GRM7: variants seen among roughly 807,000 people sequenced by gnomAD.
GRM7 encodes the protein metabotropic glutamate receptor 7.
GRM7 carries 35 observed loss-of-function variants against 84.5 expected under a neutral mutation model. That is an observed-to-expected ratio of 0.41 (90% CI 0.32 to 0.55). The LOEUF (loss-of-function observed/expected upper bound fraction) is 0.55, where lower values mean the gene tolerates loss of function less well. Among genes scored for constraint, GRM7 ranks in the 20% least tolerant of loss-of-function variants. GRM7 has a pLI of 0.19. For synonymous variants in GRM7, 487 were observed against 455.1 expected, an observed-to-expected ratio of 1.07 and a Z score of -0.89; for missense variants, 1,003 against 1,194.6, an observed-to-expected ratio of 0.84 and a Z score of 2.36.
chr3:7,250,611 C>T (rs1426244047), intron 2 of GRM7, among the ~76,000 whole-genome samples: 1 of 152,126 alleles, frequency 6.6e-6, no homozygotes, highest in Non-Finnish European at 1.5e-5. Context: ...GTAACCGCCA[C>T]CTCCTGGGTT....
intron 8 of GRM7, among the ~76,000 whole-genome samples, chr3:7,632,620 G>C (rs73810822): frequency 5.1e-4 from 78 of 152,308 alleles, no homozygotes; most frequent in Middle Eastern, 6.8e-3. Flanking sequence ...TGAAGACTGA[G>C]ATAATTGAGT....
chr3:7,242,878 T>C (rs1697613231), intron 2 of GRM7, among the ~76,000 whole-genome samples: 1 of 152,156 alleles, frequency 6.6e-6, no homozygotes, highest in Admixed American at 6.6e-5. Flanking sequence ...AGTATGGTTT[T>C]GAACTTTGTT....
chr3:7,100,767 C>A (rs996902985), intron 1 of GRM7, among the ~76,000 whole-genome samples: 1 of 151,774 alleles, frequency 6.6e-6, no homozygotes, highest in Non-Finnish European at 1.5e-5. Flanking sequence ...ACACAAAAAA[C>A]CTTTCCTGTG....
chr3:7,214,114 C>CAAAAAAAAAAA (rs34038958), intron 2 of GRM7, among the ~76,000 whole-genome samples: 2 of 126,600 alleles, frequency 1.6e-5, no homozygotes, highest in South Asian at 2.6e-4. Context: ...ACTAATCAGC[C>CAAAAAAAAAAA]AAAAAAAAAA....
intron 9 of GRM7, among the ~76,000 whole-genome samples, chr3:7,708,001 A>G (rs1701447151): frequency 1.4e-5 from 2 of 146,684 alleles, no homozygotes; most frequent in Non-Finnish European, 3.0e-5. Flanking sequence ...TTCCAAACTC[A>G]GAGACTGAAT....
chr3:7,276,881 T>C (rs1330684697), intron 2 of GRM7, among the ~76,000 whole-genome samples: 1 of 149,522 alleles, frequency 6.7e-6, no homozygotes, highest in Non-Finnish European at 1.5e-5. Flanking sequence ...ACATATTAGT[T>C]GTTACTACTA....
intron 4 of GRM7, among the ~76,000 whole-genome samples, chr3:7,328,565 A>G (rs1459267756): frequency 6.6e-6 from 1 of 152,106 alleles, no homozygotes; most frequent in East Asian, 1.9e-4. Flanking sequence ...CACTAAGTCA[A>G]CCTGGCAAGG....
At chr3:7,609,603 G>A (rs1006424311) in intron 8 of GRM7, among the ~76,000 whole-genome samples, 9 of 151,898 alleles carry the variant, frequency 5.9e-5, no homozygotes, top group African/African-American at 1.9e-4. Flanking sequence ...TTAGAAGCTG[G>A]TGGAGAAACT....
intron 9 of GRM7, among the ~76,000 whole-genome samples, chr3:7,727,789 C>T (rs1043554338): frequency 6.6e-6 from 1 of 152,106 alleles, no homozygotes; most frequent in African/African-American, 2.4e-5. Flanking sequence ...TTATATTGGT[C>T]GAGCTTTGTC....
At chr3:7,143,536 G>A (rs1259234357) in intron 1 of GRM7, among the ~76,000 whole-genome samples, 1 of 152,062 alleles carries the variant, frequency 6.6e-6, no homozygotes, top group Non-Finnish European at 1.5e-5. Context: ...ACACCGGAAG[G>A]GATAGACCAC....
At chr3:6,989,047 A>C (rs1346754267) in intron 1 of GRM7, among the ~76,000 whole-genome samples, 1 of 152,240 alleles carries the variant, frequency 6.6e-6, no homozygotes, top group African/African-American at 2.4e-5. Flanking sequence ...ATCTTTCAGC[A>C]TAAAAATGTG....
intron 8 of GRM7, among the ~76,000 whole-genome samples, chr3:7,622,665 G>A (rs1195808530): frequency 6.6e-6 from 1 of 152,114 alleles, no homozygotes; most frequent in Non-Finnish European, 1.5e-5. Flanking sequence ...AGTAAGGGAG[G>A]CAGAACCTGT....
chr3:7,060,814 T>C (rs1204235678), intron 1 of GRM7, among the ~76,000 whole-genome samples: 4 of 151,730 alleles, frequency 2.6e-5, no homozygotes, highest in Non-Finnish European at 2.9e-5. Flanking sequence ...TAAAATATTA[T>C]GGGGAAAGGT....
chr3:7,520,431 T>C (rs1007514159), intron 7 of GRM7, among the ~76,000 whole-genome samples: 1 of 152,150 alleles, frequency 6.6e-6, no homozygotes, highest in Non-Finnish European at 1.5e-5. Context: ...TAACTTCTGG[T>C]CTTTCTTGCA....
intron 8 of GRM7, among the ~76,000 whole-genome samples, chr3:7,584,267 A>G (rs1222561891): frequency 3.3e-5 from 5 of 152,360 alleles, no homozygotes; most frequent in Non-Finnish European, 5.9e-5. Flanking sequence ...AACAATGTGA[A>G]TTCCAAATTA....
chr3:7,521,524 C>T (rs1448448222), intron 7 of GRM7, among the ~76,000 whole-genome samples: 1 of 152,174 alleles, frequency 6.6e-6, no homozygotes. Context: ...AAAGCAGACT[C>T]TCACCAGACA....
At chr3:7,278,879 A>G (rs531168154) in intron 2 of GRM7, among the ~76,000 whole-genome samples, 16 of 152,254 alleles carry the variant, frequency 1.1e-4, no homozygotes, top group African/African-American at 3.8e-4. Flanking sequence ...ATCAAACACA[A>G]TCATCATTTA....
Position 7,671,107 on chromosome 3 carries a change from T to C in GRM7, c.2452-8942T>C, listed in dbSNP as rs182549843. ...AGAGAGTAAAATTCCTACCTTGCAA[T>C]TGGAGAGGGAAAACATCTTGAAATC... On this transcript the variant is annotated intron_variant, in intron 8 of 9. Transcript: ENST00000357716. 2.6e-5 allele frequency among the ~76,000 whole-genome samples: 4 copies of C among 152,164 alleles called. No individual in the cohort carries two copies. The East Asian group carries it at 5.8e-4, about 22-fold the overall frequency.
chr3:6,864,067 G>A (rs1694857791), intron 1 of GRM7, among the ~76,000 whole-genome samples: 2 of 152,198 alleles, frequency 1.3e-5, no homozygotes, highest in Admixed American at 6.5e-5. Flanking sequence ...TGAGGAGAAA[G>A]TAACCCAATG....
Sources: gnomAD v4.1 joint callset for allele counts (sites outside exome capture counted in the v4.1 genomes callset) on GRCh38, gnomAD v4.1.1 for gene constraint, MANE v1.5 for transcripts, NCBI Gene and HGNC (gene_info 2026-07-23, HGNC 2026-07-21) for gene names.